Variants in ARHGAP28 observed in about 807,000 individuals in gnomAD.
The protein encoded by ARHGAP28 is rho GTPase-activating protein 28.
In ARHGAP28, 56 loss-of-function variants were observed where a neutral mutation model predicts 90.7. That is an observed-to-expected ratio of 0.62 (90% CI 0.50 to 0.77). ARHGAP28 has a LOEUF of 0.77. Ranked by LOEUF, ARHGAP28 falls within the 30% of genes least tolerant of loss-of-function variation. The probability of loss-of-function intolerance (pLI) is 0.00; values close to 1 mark genes in which losing one functional copy is unlikely to be tolerated. For synonymous variants in ARHGAP28, 308 were observed against 323.3 expected (o/e 0.95, Z 0.51); for missense variants, 869 against 900.9 (o/e 0.96, Z 0.45).
intron 5 of ARHGAP28, among the ~76,000 whole-genome samples, chr18:6,864,129 G>C (rs149650628): frequency 8.5e-5 from 13 of 152,050 alleles, no homozygotes; most frequent in African/African-American, 3.1e-4. Context: ...GCAGTGGTGC[G>C]ATCTTGGCTC....
chr18:6,764,720 T>C (rs766597862), intron 1 of ARHGAP28, among the ~76,000 whole-genome samples: 1 of 152,190 alleles, frequency 6.6e-6, no homozygotes, highest in Non-Finnish European at 1.5e-5. Flanking sequence ...AAAACTCTTG[T>C]AAGGTTATTC....
At chr18:6,851,673 TA>T (rs543931950) in intron 4 of ARHGAP28, among the ~76,000 whole-genome samples, 3 of 151,800 alleles carry the variant, frequency 2.0e-5, no homozygotes, top group Admixed American at 1.3e-4. Context: ...GGTAAATGGA[TA>T]AAAAAAATTG....
intron 17 of ARHGAP28, 77 bp downstream of exon 17, chr18:6,909,101 G>T: frequency 1.1e-6 from 1 of 880,704 alleles, no homozygotes; most frequent in Non-Finnish European, 1.8e-6. Context: ...AATCATAAAG[G>T]TATGTTTTAT....
Position 6,745,148 on chromosome 18 carries a change from T to C in ARHGAP28, c.122+15205T>C, listed in dbSNP as rs563330338. ...AATAATTCAATAAAACACACACACATACATTTTAAGAGGAAAAATCTATTT... is the reference window on the plus strand; with the variant it reads ...AATAATTCAATAAAACACACACACACACATTTTAAGAGGAAAAATCTATTT... On this transcript the variant is annotated intron_variant, in intron 1 of 17. Transcript: ENST00000383472. 2.0e-5 allele frequency among the ~76,000 whole-genome samples: 3 copies of C among 152,294 alleles called. No homozygotes were observed. The South Asian group carries it at 6.2e-4, about 32-fold the overall frequency.
chr18:6,915,077 T>C lies in ARHGAP28; in HGVS notation c.*2923T>C, dbSNP rs1001411695. The C allele has an allele frequency of 5.2e-5, 8 of 152,534 alleles. No individual in the cohort carries two copies. Among genetic ancestry groups the C allele is most frequent in the African/African-American group, 1.9e-4 (8 of 41,462 alleles). The allele number at this position is 152,534 out of a possible 1,614,324, so 9.4% of individuals were successfully genotyped here. A position where few individuals can be genotyped will look rare whatever the true frequency, so the allele number is the denominator to read the frequency against. On this transcript the variant is annotated 3_prime_UTR_variant, in exon 18 of 18. Coordinates refer to ENST00000383472, the MANE Select transcript of ARHGAP28 (RefSeq NM_001366230.1). ...AGCTTTCAGTGTATGTTTAATAATA[T>C]ACATTTAATGATGAAAAATATTTTC... is the stretch of plus-strand genomic sequence containing the variant.
intron 1 of ARHGAP28, among the ~76,000 whole-genome samples, chr18:6,815,276 C>A (rs899620948): frequency 2.0e-5 from 3 of 152,186 alleles, no homozygotes; most frequent in African/African-American, 7.2e-5. Context: ...CATTTCCTAC[C>A]TCTGACTGTT....
intron 1 of ARHGAP28, among the ~76,000 whole-genome samples, chr18:6,796,483 A>G (rs1429262337): frequency 6.6e-6 from 1 of 152,018 alleles, no homozygotes; most frequent in Non-Finnish European, 1.5e-5. Flanking sequence ...CTGTAACAAT[A>G]GCCGTTTTAT....
chr18:6,868,110 A>G (rs1196240586), intron 5 of ARHGAP28, 40 bp from the exon 6 acceptor site: 2 of 1,522,450 alleles, frequency 1.3e-6, no homozygotes, highest in Admixed American at 1.7e-5. Flanking sequence ...GACTGTATTT[A>G]TGGTAAAATG....
chr18:6,840,751 G>A (rs116504415), intron 3 of ARHGAP28, among the ~76,000 whole-genome samples: 1,922 of 152,266 alleles, frequency 0.013, 40 homozygotes, highest in African/African-American at 0.042. Flanking sequence ...GGGCACAGGA[G>A]AAAGAAAGAC....
At chr18:6,793,774 G>A (rs536272138) in intron 1 of ARHGAP28, among the ~76,000 whole-genome samples, 21 of 151,904 alleles carry the variant, frequency 1.4e-4, no homozygotes, top group African/African-American at 4.8e-4. Flanking sequence ...ACCCGTGAAG[G>A]CTAAGGGTAG....
At chr18:6,877,965 T>G (rs1439498379) in intron 10 of ARHGAP28, among the ~76,000 whole-genome samples, 1 of 151,200 alleles carries the variant, frequency 6.6e-6, no homozygotes, top group Admixed American at 6.6e-5. Flanking sequence ...TGTGTGTGTG[T>G]GTGTATGTGC....
In ARHGAP28 at chr18:6,746,591, C is replaced by T. The variant is rs117931067; in HGVS notation, c.122+16648C>T. ...CCAGAATACAGAAAGCTGAAAGGAA[C>T]CTGGGGTTGCACCTGTTACAATCTC... On this transcript the variant is annotated intron_variant, in intron 1 of 17. Coordinates refer to ENST00000383472, the MANE Select transcript of ARHGAP28 (RefSeq NM_001366230.1). 8.6e-3 allele frequency among the ~76,000 whole-genome samples: 1,302 copies of T among 152,260 alleles called. 12 individuals are homozygous for T. Among genetic ancestry groups the T allele is most frequent in the Non-Finnish European group, 0.011 (746 of 68,016 alleles).
At chr18:6,861,119 T>C (rs1274367231) in intron 5 of ARHGAP28, among the ~76,000 whole-genome samples, 1 of 152,202 alleles carries the variant, frequency 6.6e-6, no homozygotes, top group African/African-American at 2.4e-5. Flanking sequence ...TGCTATTCCC[T>C]TGTGACTGGG....
chr18:6,876,034 C>G, intron 9 of ARHGAP28, 97 bp from the exon 10 acceptor site: 1 of 994,550 alleles, frequency 1.0e-6, no homozygotes, highest in South Asian at 1.4e-5. Flanking sequence ...TATATATATG[C>G]TTGGTAACTT....
chr18:6,896,655 A>G, intron 16 of ARHGAP28, 29 bp downstream of exon 16: 2 of 1,611,876 alleles, frequency 1.2e-6, no homozygotes, highest in Non-Finnish European at 1.7e-6. Flanking sequence ...AGGTCTCTGC[A>G]CAAGAAGGAA....
intron 4 of ARHGAP28, 133 bp from the exon 5 acceptor site, chr18:6,859,675 A>G (rs1423806113): frequency 1.7e-5 from 15 of 877,152 alleles, no homozygotes; most frequent in Middle Eastern, 3.6e-4. Flanking sequence ...AGTTGGATGC[A>G]ATTGTCCATG....
In ARHGAP28 at chr18:6,908,943, T is replaced by C; in HGVS notation, c.2031-17T>C. 7.0e-7 allele frequency: 1 copy of C among 1,434,484 alleles called. No homozygotes were observed. The highest frequency in any genetic ancestry group is 9.7e-7 in the Non-Finnish European group (1 of 1,029,496). The allele number at this position is 1,434,484 out of a possible 1,614,324, so 88.9% of individuals were successfully genotyped here. The stretch of plus-strand genomic sequence containing the variant: ...GGAAAAAGTACTAAAATTATATTAT[T>C]TTCTCATTTTTTTCAGTCATGGTTC... On this transcript the variant is annotated splice_polypyrimidine_tract_variant and intron_variant, in intron 16 of 17. Coordinates refer to ENST00000383472, the MANE Select transcript of ARHGAP28 (RefSeq NM_001366230.1).
intron 4 of ARHGAP28, among the ~76,000 whole-genome samples, chr18:6,852,146 G>A (rs573383681): frequency 9.2e-4 from 140 of 152,158 alleles, no homozygotes; most frequent in Admixed American, 2.0e-3. Context: ...TTTTCACTAA[G>A]CTACTTACAA....
intron 1 of ARHGAP28, among the ~76,000 whole-genome samples, chr18:6,782,245 G>A (rs2056329728): frequency 6.6e-6 from 1 of 152,114 alleles, no homozygotes; most frequent in Non-Finnish European, 1.5e-5. Context: ...TTTCTAGGGT[G>A]AATGGGTAGA....
Sources: allele counts gnomAD v4.1 joint callset (sites outside exome capture counted in the v4.1 genomes callset), GRCh38; gene constraint gnomAD v4.1.1; transcripts MANE v1.5; gene names NCBI Gene and HGNC (gene_info 2026-07-23, HGNC 2026-07-21).